Variants in FXR1 observed in about 807,000 individuals in gnomAD.
The protein encoded by FXR1 is RNA-binding protein FXR1.
In FXR1, 15 loss-of-function variants were observed where a neutral mutation model predicts 84.0. The observed-to-expected ratio is 0.18, with a 90% confidence interval of 0.12 to 0.27. The LOEUF is 0.27. Among genes scored for constraint, FXR1 ranks in the 10% least tolerant of loss-of-function variants. FXR1 has a pLI of 1.00. For synonymous variants in FXR1, 245 were observed against 250.7 expected (o/e 0.98, Z 0.21); for missense variants, 480 against 774.4 (o/e 0.62, Z 4.51).
At chr3:180,924,375 G>A (rs559519886) in intron 1 of FXR1, among the ~76,000 whole-genome samples, 5 of 152,220 alleles carry the variant, frequency 3.3e-5, no homozygotes, top group Admixed American at 1.3e-4. Context: ...TACACACAGC[G>A]GATGCCTTAT....
chr3:180,956,850 A>G (rs577923195), intron 9 of FXR1, among the ~76,000 whole-genome samples: 21 of 152,288 alleles, frequency 1.4e-4, no homozygotes, highest in African/African-American at 5.1e-4. Flanking sequence ...TTCATTCTTT[A>G]ATAGAAACTG....
At chr3:180,971,218 C>A in intron 15 of FXR1, 2 of 496,580 alleles carry the variant, frequency 4.0e-6, no homozygotes, top group Non-Finnish European at 6.4e-6. Flanking sequence ...TCTATGTCTG[C>A]TTTCTAAATA....
chr3:180,942,957 T>C (rs1477809861), intron 3 of FXR1, among the ~76,000 whole-genome samples: 3 of 152,062 alleles, frequency 2.0e-5, no homozygotes, highest in Admixed American at 1.3e-4. Context: ...GCACTGTAAG[T>C]GGGGGTGTTT....
At chr3:180,940,638 G>A (rs1251452591) in intron 3 of FXR1, among the ~76,000 whole-genome samples, 1 of 149,712 alleles carries the variant, frequency 6.7e-6, no homozygotes, top group Admixed American at 6.7e-5. Context: ...GTGCAATGGC[G>A]CCATCTCGGC....
chr3:180,969,670 G>T (rs1713284388), intron 14 of FXR1, among the ~76,000 whole-genome samples: 1 of 152,130 alleles, frequency 6.6e-6, no homozygotes, highest in Non-Finnish European at 1.5e-5. Context: ...TGGAATGCAG[G>T]TATTGAATAT....
intron 1 of FXR1, among the ~76,000 whole-genome samples, chr3:180,914,272 A>G (rs1717614610): frequency 1.3e-5 from 2 of 152,290 alleles, no homozygotes; most frequent in Admixed American, 1.3e-4. Flanking sequence ...TCCCTGGACT[A>G]CTGCAGATAC....
At chr3:180,927,594 C>A in intron 1 of FXR1, 1 of 592,616 alleles carries the variant, frequency 1.7e-6, no homozygotes, top group South Asian at 2.0e-5. Context: ...TCTGTAATTT[C>A]AAAAATATAT....
intron 9 of FXR1, among the ~76,000 whole-genome samples, chr3:180,955,152 G>T (rs1223989051): frequency 6.6e-6 from 1 of 151,664 alleles, no homozygotes; most frequent in Non-Finnish European, 1.5e-5. Context: ...CTGCCACCAC[G>T]CCTGGCTAAT....
intron 8 of FXR1, 40 bp from the exon 9 acceptor site, chr3:180,953,722 T>C: frequency 1.0e-6 from 1 of 982,890 alleles, no homozygotes; most frequent in Non-Finnish European, 1.6e-6. Context: ...GCTCCGAGAT[T>C]GAAACAGGAT....
At chr3:180,960,054 T>C (rs540001767) in intron 10 of FXR1, among the ~76,000 whole-genome samples, 33 of 152,282 alleles carry the variant, frequency 2.2e-4, no homozygotes, top group South Asian at 1.2e-3. Context: ...AGTTAAGCTT[T>C]ACTCTCATTT....
intron 1 of FXR1, chr3:180,915,716 G>C (rs1717819284): frequency 1.4e-6 from 1 of 696,100 alleles, no homozygotes; most frequent in Non-Finnish European, 2.6e-6. Context: ...AATTGCCATT[G>C]ATGAGTTTCA....
In FXR1 at chr3:180,959,352, T is replaced by G. The variant is rs180718070; in HGVS notation, c.990+1424T>G. ...AGTTTTTTATGAGAATGTTTAGTGT[T>G]TTTTTTTTTCCTGAGATTTTGATTA... On this transcript the variant is annotated intron_variant, in intron 10 of 16. Transcript: ENST00000357559. 1.6e-3 allele frequency among the ~76,000 whole-genome samples: 236 copies of G among 147,534 alleles called. 2 individuals are homozygous for G. Among genetic ancestry groups the G allele is most frequent in the African/African-American group, 6.0e-3 (230 of 38,166 alleles).
At chr3:180,947,523 T>G (rs1721825728) in intron 3 of FXR1, among the ~76,000 whole-genome samples, 1 of 152,194 alleles carries the variant, frequency 6.6e-6, no homozygotes, top group Non-Finnish European at 1.5e-5. Flanking sequence ...TGAGAACAAT[T>G]TTTAATATTA....
intron 3 of FXR1, among the ~76,000 whole-genome samples, chr3:180,944,388 A>G (rs950308215): frequency 3.3e-5 from 5 of 150,396 alleles, no homozygotes; most frequent in African/African-American, 4.9e-5. Flanking sequence ...TGGCATGATC[A>G]TGGCTCACTG....
chr3:180,968,371 T>G (rs1269896431), intron 14 of FXR1, 117 bp downstream of exon 14: 2 of 692,658 alleles, frequency 2.9e-6, no homozygotes, highest in African/African-American at 3.5e-5. Context: ...ACTCATTGTC[T>G]TAGAGAAAGT....
At chr3:180,955,212 C>T (rs1455158931) in intron 9 of FXR1, among the ~76,000 whole-genome samples, 1 of 151,984 alleles carries the variant, frequency 6.6e-6, no homozygotes, top group African/African-American at 2.4e-5. Context: ...CCAGGCTGGT[C>T]TTGAACTCCT....
chr3:180,962,932 G>A lies in FXR1; in HGVS notation c.1127G>A (p.Arg376Gln). The A allele has an allele frequency of 1.9e-6, 3 of 1,613,294 alleles. No homozygotes were observed. Among genetic ancestry groups the A allele is most frequent in the Non-Finnish European group, 2.5e-6 (3 of 1,179,366 alleles). ...MERLQIDEQL[R>Q]QIGSRSYSGR... ...CGCCTACAGATTGATGAACAGCTGC[G>A]ACAGATTGGTATGGGTTTCAGACCT... is the stretch of plus-strand genomic sequence containing the variant. Residue 376 changes from arginine to glutamine, a missense_variant, in exon 12 of 17, where the codon CGA becomes CAA. Transcript: ENST00000357559.
intron 1 of FXR1, among the ~76,000 whole-genome samples, chr3:180,919,614 T>C (rs1366723256): frequency 6.6e-6 from 1 of 151,314 alleles, no homozygotes; most frequent in Non-Finnish European, 1.5e-5. Context: ...ACATGTTGGA[T>C]AATATTTTAG....
intron 3 of FXR1, among the ~76,000 whole-genome samples, chr3:180,944,689 C>T (rs1721510335): frequency 6.6e-6 from 1 of 152,174 alleles, no homozygotes; most frequent in Admixed American, 6.5e-5. Flanking sequence ...GCAAACACAA[C>T]TCACTGCAGC....
Sources: gnomAD v4.1 joint callset for allele counts (sites outside exome capture counted in the v4.1 genomes callset) on GRCh38, gnomAD v4.1.1 for gene constraint, MANE v1.5 for transcripts, NCBI Gene and HGNC (gene_info 2026-07-23, HGNC 2026-07-21) for gene names.